The following FUBP3 variants were observed in gnomAD, a reference collection of about 807,000 sequenced individuals.
FUBP3 encodes far upstream element-binding protein 3.
In FUBP3, 28 loss-of-function variants were observed where a neutral mutation model predicts 85.6. The observed-to-expected ratio is 0.33, with a 90% CI of 0.24 to 0.45. FUBP3 has a LOEUF of 0.45. Ranked by LOEUF, FUBP3 falls within the 20% of genes least tolerant of loss-of-function variation. FUBP3 has a pLI of 1.00. For synonymous variants in FUBP3, 271 were observed against 271.4 expected, an observed-to-expected ratio of 1.00 and a Z score of 0.01; for missense variants, 583 against 755.1, an observed-to-expected ratio of 0.77 and a Z score of 2.67.
intron 5 of FUBP3, among the ~76,000 whole-genome samples, chr9:130,613,482 A>G (rs916769601): frequency 3.3e-5 from 5 of 152,166 alleles, no homozygotes; most frequent in Non-Finnish European, 5.9e-5. Context: ...CTCACTGAAC[A>G]TGTTTTATGA....
chr9:130,599,281 G>C (rs1167934529), intron 2 of FUBP3, among the ~76,000 whole-genome samples: 1 of 151,910 alleles, frequency 6.6e-6, no homozygotes, highest in East Asian at 1.9e-4. Flanking sequence ...AACAGAGTGA[G>C]ACTCCATCTC....
intron 1 of FUBP3, among the ~76,000 whole-genome samples, chr9:130,589,668 TGTGTGTGTATATATATATATATATATATA>T (rs1830500193): frequency 5.0e-5 from 5 of 100,774 alleles, no homozygotes; most frequent in African/African-American, 1.5e-4. Context: ...TATGTATGTA[TGTGTGTGTATATATATATATATATATATA>T]TATATATATT....
chr9:130,621,283 A>C (rs527595738), intron 9 of FUBP3, among the ~76,000 whole-genome samples: 8 of 151,918 alleles, frequency 5.3e-5, no homozygotes, highest in Non-Finnish European at 8.8e-5. Context: ...CAGGAGATTG[A>C]GATCTGTCTG....
At chr9:130,618,657 C>A (rs73549917) in intron 8 of FUBP3, among the ~76,000 whole-genome samples, 8,966 of 152,284 alleles carry the variant, frequency 0.059, 352 homozygotes, top group South Asian at 0.073. Context: ...GCCTGTCTTG[C>A]CATTGCCACA....
chr9:130,618,007 G>T, intron 8 of FUBP3, 112 bp downstream of exon 8: 1 of 597,396 alleles, frequency 1.7e-6, no homozygotes, highest in Non-Finnish European at 3.0e-6. Flanking sequence ...CTCCGTTATT[G>T]AAGGTAAACT....
At chr9:130,628,479 T>A (rs1229134097) in intron 12 of FUBP3, among the ~76,000 whole-genome samples, 1 of 152,236 alleles carries the variant, frequency 6.6e-6, no homozygotes, top group Non-Finnish European at 1.5e-5. Flanking sequence ...GCCAAGCTAG[T>A]GACCTCATTT....
intron 12 of FUBP3, among the ~76,000 whole-genome samples, chr9:130,626,872 A>T (rs1037931199): frequency 6.6e-6 from 1 of 152,158 alleles, no homozygotes; most frequent in African/African-American, 2.4e-5. Context: ...GACGGTTGAG[A>T]CAGTATCCTC....
At chr9:130,632,351 G>A (rs1165681395) in intron 16 of FUBP3, 73 bp downstream of exon 16, 23 of 1,179,256 alleles carry the variant, frequency 2.0e-5, no homozygotes, top group African/African-American at 7.5e-5. Context: ...GGGCCAAAAC[G>A]CCCTCGTTCA....
intron 2 of FUBP3, among the ~76,000 whole-genome samples, chr9:130,608,457 AAC>A (rs1831574489): frequency 6.6e-6 from 1 of 152,206 alleles, no homozygotes; most frequent in East Asian, 1.9e-4. Context: ...CTATGTGGCC[AAC>A]ATACCTCCCT....
chr9:130,609,982 T>A lies in FUBP3; in HGVS notation c.219T>A (p.His73Gln), dbSNP rs757777172. 5.6e-6 allele frequency: 9 copies of A among 1,606,672 alleles called. No individual in the cohort carries two copies. The South Asian group carries it at 9.9e-5, about 18-fold the overall frequency. The change falls in exon 3 of 19, where the codon CAT (histidine) becomes CAA (glutamine). Residue 73 changes from histidine (H) to glutamine (Q), a missense_variant. His to Gln is a conservative substitution (Grantham distance 24). Around this residue, in one of 3 missense-constraint regions of FUBP3, gnomAD observed 177 missense variants for 221.9 expected, o/e 0.80. Coordinates refer to ENST00000319725, the MANE Select transcript of FUBP3 (RefSeq NM_003934.2). ...GTAACCAGTTAGGGGCCTTGGTACA[T>A]CAAAGGTAAGCAGTGGGTTACGTTT... is the stretch of plus-strand genomic sequence containing the variant. ...GVGNQLGALV[H>Q]QRTVITEEFK...
At chr9:130,595,657 GC>G (rs1478317770) in intron 2 of FUBP3, 69 bp downstream of exon 2, 1 of 790,580 alleles carries the variant, frequency 1.3e-6, no homozygotes, top group Non-Finnish European at 2.3e-6. Flanking sequence ...GAATTTGTCA[GC>G]CATTACCTTA....
At chr9:130,618,964 C>T (rs924632364) in intron 8 of FUBP3, among the ~76,000 whole-genome samples, 6 of 152,176 alleles carry the variant, frequency 3.9e-5, no homozygotes, top group South Asian at 2.1e-4. Flanking sequence ...AGTCCCCATG[C>T]GCTGCCTCCT....
chr9:130,630,850 G>A, intron 13 of FUBP3, 62 bp downstream of exon 13: 1 of 1,261,598 alleles, frequency 7.9e-7, no homozygotes, highest in Admixed American at 3.0e-5. Flanking sequence ...GGATGTCCAA[G>A]GTACCAGCTT....
rs929611160 is a variant in FUBP3 at position 130,612,806 on chromosome 9, G to A, written c.275-150G>A. The A allele has an allele frequency of 4.4e-5, 28 of 643,068 alleles. No individual in the cohort carries two copies. Among genetic ancestry groups the A allele is most frequent in the Non-Finnish European group, 7.2e-5 (26 of 360,784 alleles). 39.8% of individuals were successfully genotyped at this position (643,068 alleles called of 1,614,324 possible). On this transcript the variant is annotated intron_variant, in intron 4 of 18. Coordinates refer to ENST00000319725, the MANE Select transcript of FUBP3 (RefSeq NM_003934.2). This position sits in a 1 kb window ranked among gnomAD's most constrained non-coding sequence, Gnocchi z 4.1. ...CACAAGGGCTTTCTGCTGCCATCAT[G>A]CCCAAAGAGTGGAGATGGGCTCACG... is the stretch of plus-strand genomic sequence containing the variant.
intron 12 of FUBP3, among the ~76,000 whole-genome samples, chr9:130,627,703 A>G (rs1461292748): frequency 6.6e-6 from 1 of 152,254 alleles, no homozygotes; most frequent in Non-Finnish European, 1.5e-5. Context: ...GAAGTCCCAC[A>G]CTACCCAGGC....
intron 8 of FUBP3, among the ~76,000 whole-genome samples, chr9:130,618,793 G>A (rs1832143556): frequency 6.6e-6 from 1 of 152,152 alleles, no homozygotes; most frequent in Non-Finnish European, 1.5e-5. Context: ...TCCAGTCCCT[G>A]GCAAAATATT....
At position 130,601,575 on chromosome 9, in the gene FUBP3, C is replaced by T. The variant is rs555311299; in HGVS notation, c.190+5987C>T. The stretch of plus-strand genomic sequence containing the variant: ...CTTTGAAACTATGCCTGCCTCTTCA[C>T]TCAAAGACTCGTCTTTGCTATTTAT... On this transcript the variant is annotated intron_variant, in intron 2 of 18. Coordinates refer to ENST00000319725, the MANE Select transcript of FUBP3 (RefSeq NM_003934.2). Among the ~76,000 whole-genome samples, 7 of 152,240 alleles carry T rather than the reference C, an allele frequency of 4.6e-5. No homozygotes were observed. The South Asian group carries it at 1.0e-3, about 23-fold the overall frequency.
chr9:130,589,675 G>GTGTGTGTATGTGTGTGTATGTA, intron 1 of FUBP3, among the ~76,000 whole-genome samples: 1 of 34,312 alleles, frequency 2.9e-5, no homozygotes, highest in Non-Finnish European at 4.9e-5. Context: ...GTATGTGTGT[G>GTGTGTGTATGTGTGTGTATGTA]TATATATATA....
intron 1 of FUBP3, chr9:130,581,947 T>G (rs1034670158): frequency 6.6e-6 from 1 of 152,236 alleles, no homozygotes; most frequent in Non-Finnish European, 1.5e-5. Flanking sequence ...AGGCTTTCCC[T>G]CTGACATCTT....
Sources: allele counts gnomAD v4.1 joint callset (sites outside exome capture counted in the v4.1 genomes callset), GRCh38; gene constraint gnomAD v4.1.1; regional missense constraint gnomAD v4.1.1; non-coding constraint Gnocchi (gnomAD v3.1); transcripts MANE v1.5; gene names NCBI Gene and HGNC (gene_info 2026-07-23, HGNC 2026-07-21).